FYTTD1: variants seen among roughly 807,000 people sequenced by gnomAD.
The protein encoded by FYTTD1 is forty-two-three domain containing 1, also known as UAP56-interacting factor.
A neutral mutation model predicts 40.9 loss-of-function variants in FYTTD1; 22 were observed. The observed-to-expected ratio is 0.54, with a 90% CI of 0.38 to 0.77. The LOEUF is 0.77. Ranked by LOEUF, FYTTD1 falls within the 30% of genes least tolerant of loss-of-function variation. FYTTD1 has a pLI of 0.00. For synonymous variants in FYTTD1, 140 were observed against 137.9 expected, an observed-to-expected ratio of 1.01 and a Z score of -0.10; for missense variants, 351 against 392.2, an observed-to-expected ratio of 0.90 and a Z score of 0.89.
chr3:197,774,459 A>G (rs904425154), intron 6 of FYTTD1, among the ~76,000 whole-genome samples: 1 of 152,178 alleles, frequency 6.6e-6, no homozygotes, highest in African/African-American at 2.4e-5. Flanking sequence ...TCGCCACTGC[A>G]CACCAGCCTG....
Position 197,778,363 on chromosome 3 carries a change from A to G in FYTTD1, c.757A>G (p.Thr253Ala). ...AACTCAGAAACCACGATTAACTCGT[A>G]CTGCTGTACCTTCATTTTTAACAAA... ...PVTQKPRLTRTAVPSFLTKRE... is the reference protein window; with the variant it reads ...PVTQKPRLTRAAVPSFLTKRE... The change falls in exon 8 of 9, where the codon ACT becomes GCT. Residue 253 changes from threonine (T) to alanine (A), a missense_variant. Physicochemically the swap from Thr to Ala is moderately conservative, Grantham distance 58. Coordinates refer to ENST00000241502, the MANE Select transcript of FYTTD1 (RefSeq NM_032288.7). 1.2e-6 allele frequency: 2 copies of G among 1,609,138 alleles called. No individual in the cohort carries two copies. Among genetic ancestry groups the G allele is most frequent in the Non-Finnish European group, 1.7e-6 (2 of 1,177,682 alleles).
rs542531531 is a variant in FYTTD1 at position 197,764,006 on chromosome 3, T to G, written c.236-4433T>G. ...ACCTGTAGAGGTAGGGCTTGGAGGATTTTTTTTAAGCTCCATGGATGATTC... is the reference window on the plus strand; with the variant it reads ...ACCTGTAGAGGTAGGGCTTGGAGGAGTTTTTTTAAGCTCCATGGATGATTC... On this transcript the variant is annotated intron_variant, in intron 2 of 8. Transcript: ENST00000241502. Among the ~76,000 whole-genome samples, 19 of 152,140 alleles carry G rather than the reference T, an allele frequency of 1.2e-4. No homozygotes were observed. The East Asian group carries it at 3.7e-3, about 29-fold the overall frequency.
At chr3:197,765,929 G>A (rs996589321) in intron 2 of FYTTD1, among the ~76,000 whole-genome samples, 11 of 152,112 alleles carry the variant, frequency 7.2e-5, no homozygotes, top group African/African-American at 2.4e-4. Flanking sequence ...CTGGGAGGCG[G>A]AGGTTGCATT....
rs1729617339 is a variant in FYTTD1, at chr3:197,768,515, C to G, written c.312C>G (p.Gly104=). Residue 104 remains glycine (G), a synonymous_variant, in exon 3 of 9, where the codon GGC becomes GGG. Coordinates refer to ENST00000241502, the MANE Select transcript of FYTTD1 (RefSeq NM_032288.7). ...GKRRPNGVIT[G]LAARKTTGIR... is the part of the protein sequence containing the mutation. ...GACGTCCTAATGGAGTTATCACTGG[C>G]CTTGCAGCTAGGAAAACGACTGGAA... The G allele has an allele frequency of 6.2e-7, 1 of 1,613,172 alleles. No individual in the cohort carries two copies. Among genetic ancestry groups the G allele is most frequent in the Admixed American group, 1.7e-5 (1 of 59,974 alleles).
At chr3:197,779,970 G>A (rs543819204) in intron 8 of FYTTD1, among the ~76,000 whole-genome samples, 3 of 132,482 alleles carry the variant, frequency 2.3e-5, no homozygotes, top group African/African-American at 8.9e-5. Flanking sequence ...ACCATACCTG[G>A]GGATGCAGGC....
chr3:197,775,392 C>T (rs917420062), intron 6 of FYTTD1, among the ~76,000 whole-genome samples: 1 of 152,136 alleles, frequency 6.6e-6, no homozygotes, highest in African/African-American at 2.4e-5. Flanking sequence ...CCCTCTGTGT[C>T]TCAAGGGAAT....
chr3:197,781,070 T>C (rs781352618), intron 8 of FYTTD1, among the ~76,000 whole-genome samples: 32 of 151,722 alleles, frequency 2.1e-4, no homozygotes, highest in African/African-American at 7.5e-4. Context: ...TCCCAGCACT[T>C]TGGGAGGCCG....
Position 197,784,772 on chromosome 3 carries a change from CAG to C in FYTTD1, c.*2866_*2867del, listed in dbSNP as rs1560503637. 6.6e-6 allele frequency: 1 copy of C among 152,012 alleles called. No homozygotes were observed. The highest frequency in any genetic ancestry group is 2.4e-5 in the African/African-American group (1 of 41,372). The allele number at this position is 152,012 out of a possible 1,614,324, so 9.4% of individuals were successfully genotyped here. ...CGCCATTGCACTCCAGCCTGGGTGACAGAGTGACACTCTGTCTTAAAAAAACA... is the reference window on the plus strand; with the variant it reads ...CGCCATTGCACTCCAGCCTGGGTGACAGTGACACTCTGTCTTAAAAAAACA... On this transcript the variant is annotated 3_prime_UTR_variant, in exon 9 of 9. Coordinates refer to ENST00000241502, the MANE Select transcript of FYTTD1 (RefSeq NM_032288.7).
At chr3:197,760,617 G>C (rs1358648069) in intron 2 of FYTTD1, among the ~76,000 whole-genome samples, 1 of 151,782 alleles carries the variant, frequency 6.6e-6, no homozygotes, top group Non-Finnish European at 1.5e-5. Context: ...AATGTATAGA[G>C]TTGTTCCTCA....
chr3:197,772,248 C>T (rs1424729907), intron 4 of FYTTD1, among the ~76,000 whole-genome samples: 1 of 152,122 alleles, frequency 6.6e-6, no homozygotes, highest in Non-Finnish European at 1.5e-5. Flanking sequence ...ATTGGGTTAG[C>T]TAGGGCAGTT....
At chr3:197,764,762 A>C (rs1468668947) in intron 2 of FYTTD1, among the ~76,000 whole-genome samples, 1 of 151,468 alleles carries the variant, frequency 6.6e-6, no homozygotes, top group Non-Finnish European at 1.5e-5. Flanking sequence ...GAAAAAAAAA[A>C]CAGCAGAAAG....
chr3:197,764,448 G>A (rs1250170275), intron 2 of FYTTD1, among the ~76,000 whole-genome samples: 1 of 152,142 alleles, frequency 6.6e-6, no homozygotes, highest in African/African-American at 2.4e-5. Context: ...AGTGGCTCAC[G>A]CCAGTAATCC....
In FYTTD1 at chr3:197,774,147, A is replaced by G. The variant is rs750466107; in HGVS notation, c.595-2A>G. 1 of 1,612,980 alleles carries G rather than the reference A, an allele frequency of 6.2e-7. No homozygotes were observed. The highest frequency in any genetic ancestry group is 8.5e-7 in the Non-Finnish European group (1 of 1,179,244). On this transcript the variant is annotated splice_acceptor_variant, in intron 5 of 8. Coordinates refer to ENST00000241502, the MANE Select transcript of FYTTD1 (RefSeq NM_032288.7). LOFTEE classifies it high-confidence loss of function. ...TACCTACTGCTTTTTTTTTCCCTTC[A>G]GGTGCAGGCCCAGTTGAATACAGAA...
intron 8 of FYTTD1, among the ~76,000 whole-genome samples, chr3:197,780,110 G>T (rs1212434782): frequency 1.4e-5 from 2 of 140,828 alleles, no homozygotes; most frequent in Non-Finnish European, 3.0e-5. Flanking sequence ...ACCACACCTG[G>T]GGATATAGGC....
intron 2 of FYTTD1, among the ~76,000 whole-genome samples, chr3:197,764,866 G>T (rs1202822263): frequency 6.6e-6 from 1 of 150,746 alleles, no homozygotes; most frequent in Non-Finnish European, 1.5e-5. Flanking sequence ...TTTTTGGGGG[G>T]GGAGGATGGA....
chr3:197,765,004 C>T (rs1729501507), intron 2 of FYTTD1, among the ~76,000 whole-genome samples: 1 of 151,748 alleles, frequency 6.6e-6, no homozygotes, highest in Admixed American at 6.6e-5. Flanking sequence ...TGTGCACCAC[C>T]ACGCCTGGTG....
intron 6 of FYTTD1, among the ~76,000 whole-genome samples, chr3:197,776,384 G>GTTT (rs869308035): frequency 7.5e-6 from 1 of 133,384 alleles, no homozygotes; most frequent in African/African-American, 3.1e-5. Context: ...GCTTAAATTT[G>GTTT]TTTTTTTTTT....
chr3:197,757,020 G>A (rs1729233173), intron 2 of FYTTD1, among the ~76,000 whole-genome samples: 1 of 152,140 alleles, frequency 6.6e-6, no homozygotes, highest in South Asian at 2.1e-4. Context: ...GTTATAGAAA[G>A]CAAATTCTCT....
At chr3:197,768,615 G>C in intron 3 of FYTTD1, 28 bp downstream of exon 3, 1 of 1,582,392 alleles carries the variant, frequency 6.3e-7, no homozygotes, top group South Asian at 1.2e-5. Context: ...TCCTGGATTA[G>C]ATATCCTTTT....
Sources: gnomAD v4.1 joint callset for allele counts (sites outside exome capture counted in the v4.1 genomes callset) on GRCh38, gnomAD v4.1.1 for gene constraint, MANE v1.5 for transcripts, NCBI Gene and HGNC (gene_info 2026-07-23, HGNC 2026-07-21) for gene names.